The following DIP2C variants were observed in gnomAD, a reference collection of about 807,000 sequenced individuals.
The protein encoded by DIP2C is disco-interacting protein 2 homolog C.
A neutral mutation model predicts 192.4 loss-of-function variants in DIP2C; 33 were observed. That is an observed-to-expected ratio of 0.17 (90% confidence interval 0.13 to 0.23). The LOEUF (loss-of-function observed/expected upper bound fraction) is 0.23, where lower values mean the gene tolerates loss of function less well. Ranked by LOEUF, DIP2C falls within the 10% of genes least tolerant of loss-of-function variation. DIP2C has a pLI of 1.00. For synonymous variants in DIP2C, 979 were observed against 864.1 expected (o/e 1.13, Z -2.33); for missense variants, 1,537 against 2,110.1 (o/e 0.73, Z 5.32).
At chr10:520,052 C>CA (rs1190889413) in intron 1 of DIP2C, among the ~76,000 whole-genome samples, 1 of 152,248 alleles carries the variant, frequency 6.6e-6, no homozygotes, top group Non-Finnish European at 1.5e-5. Context: ...ACCCTGCATT[C>CA]AGCAGTTTAC....
chr10:635,392 G>A lies in DIP2C; in HGVS notation c.85+54102C>T, dbSNP rs536716334. 3.2e-3 allele frequency among the ~76,000 whole-genome samples: 485 copies of A among 152,378 alleles called. 3 individuals are homozygous for A. In the Middle Eastern group the frequency reaches 0.034, roughly 11 times the overall value. On this transcript the variant is annotated intron_variant, in intron 1 of 36. Transcript: ENST00000280886. ...TGGCCTCATCTGGACAGGTTGTCAA[G>A]GATGGATGGATAGACGTCCTGGACA...
chr10:385,701 C>G (rs1382023566), intron 14 of DIP2C, among the ~76,000 whole-genome samples: 1 of 152,164 alleles, frequency 6.6e-6, no homozygotes, highest in Non-Finnish European at 1.5e-5. Context: ...GGGGCGGCAG[C>G]AACACACCTG....
At chr10:596,622 T>C (rs1366593967) in intron 1 of DIP2C, among the ~76,000 whole-genome samples, 2 of 147,824 alleles carry the variant, frequency 1.4e-5, no homozygotes, top group Non-Finnish European at 3.0e-5. Flanking sequence ...GAGACGTAGG[T>C]GAATAGGACA....
chr10:311,702 G>C (rs1956574605), intron 31 of DIP2C: 1 of 637,904 alleles, frequency 1.6e-6, no homozygotes, highest in Non-Finnish European at 2.2e-6. Context: ...GTGGGGAGGA[G>C]AATGCGAAAA....
chr10:315,015 C>T (rs1226656386), intron 31 of DIP2C, among the ~76,000 whole-genome samples: 1 of 152,196 alleles, frequency 6.6e-6, no homozygotes, highest in Non-Finnish European at 1.5e-5. Flanking sequence ...TTCCTCCCTT[C>T]CTGCCTCCTT....
intron 1 of DIP2C, among the ~76,000 whole-genome samples, chr10:626,040 A>G (rs971198337): frequency 7.2e-5 from 11 of 152,222 alleles, no homozygotes; most frequent in African/African-American, 2.7e-4. Context: ...AGCTATTTAC[A>G]AAGTGTTCCC....
intron 1 of DIP2C, among the ~76,000 whole-genome samples, chr10:589,469 A>G (rs1332640490): frequency 6.6e-6 from 1 of 152,136 alleles, no homozygotes; most frequent in Non-Finnish European, 1.5e-5. Context: ...GGCATTTTAC[A>G]TTCAGGGTTA....
intron 2 of DIP2C, among the ~76,000 whole-genome samples, chr10:484,049 A>G (rs1843818648): frequency 6.6e-6 from 1 of 152,000 alleles, no homozygotes; most frequent in African/African-American, 2.4e-5. Context: ...GACCTAAGCA[A>G]TCCCCTTCCT....
intron 1 of DIP2C, among the ~76,000 whole-genome samples, chr10:608,904 T>C (rs1228956099): frequency 6.6e-6 from 1 of 151,400 alleles, no homozygotes; most frequent in Non-Finnish European, 1.5e-5. Context: ...CAAGTGGTTC[T>C]CATTACAGTG....
chr10:591,793 T>TC (rs370043229), intron 1 of DIP2C, among the ~76,000 whole-genome samples: 10 of 151,884 alleles, frequency 6.6e-5, no homozygotes, highest in African/African-American at 1.9e-4. Flanking sequence ...CACCCTCCTC[T>TC]CCTTCCTTTT....
chr10:437,572 G>A (rs1016089494), intron 4 of DIP2C: 4 of 152,268 alleles, frequency 2.6e-5, no homozygotes, highest in African/African-American at 7.2e-5. Flanking sequence ...TCAAGTTCTG[G>A]CTGGCACAGC....
At chr10:457,893 C>T (rs1205453713) in intron 3 of DIP2C, among the ~76,000 whole-genome samples, 1 of 152,196 alleles carries the variant, frequency 6.6e-6, no homozygotes, top group East Asian at 1.9e-4. Context: ...CTTTATGCTG[C>T]GTCCTCAGCT....
chr10:618,620 T>C (rs1853629884), intron 1 of DIP2C, among the ~76,000 whole-genome samples: 1 of 152,198 alleles, frequency 6.6e-6, no homozygotes, highest in Non-Finnish European at 1.5e-5. Context: ...ATTTTTAGAC[T>C]CTCATGACAG....
chr10:549,308 C>T (rs1308707909), intron 1 of DIP2C, among the ~76,000 whole-genome samples: 4 of 152,144 alleles, frequency 2.6e-5, no homozygotes, highest in African/African-American at 9.7e-5. Context: ...AGCTATGTCT[C>T]AATTAACACA....
At position 600,847 on chromosome 10, in the gene DIP2C, C is replaced by A. The variant is rs368254616; in HGVS notation, c.85+88647G>T. Reference sequence around the variant, plus strand: ...CGTCTCAACCATAAGAGAATCAGGTCTTTGGCCATCTGGTCAAAGCTTTTT... The same window carrying A: ...CGTCTCAACCATAAGAGAATCAGGTATTTGGCCATCTGGTCAAAGCTTTTT... On this transcript the variant is annotated intron_variant, in intron 1 of 36. Transcript: ENST00000280886. Among the ~76,000 whole-genome samples the A allele has an allele frequency of 1.2e-3, 188 of 152,360 alleles. 7 individuals carry two copies. In the South Asian group the frequency reaches 0.037, roughly 30 times the overall value.
chr10:456,750 C>A (rs1044462089), intron 3 of DIP2C, among the ~76,000 whole-genome samples: 1 of 152,204 alleles, frequency 6.6e-6, no homozygotes, highest in Admixed American at 6.5e-5. Context: ...TACATAGGGC[C>A]ATCTGTGTTC....
intron 10 of DIP2C, among the ~76,000 whole-genome samples, chr10:391,108 G>A (rs1233226903): frequency 6.6e-6 from 1 of 152,242 alleles, no homozygotes; most frequent in Non-Finnish European, 1.5e-5. Context: ...TAAATTAGAA[G>A]AGGGTGTGGA....
chr10:656,435 G>C (rs1334018691), intron 1 of DIP2C, among the ~76,000 whole-genome samples: 4 of 152,164 alleles, frequency 2.6e-5, no homozygotes, highest in Admixed American at 2.6e-4. Flanking sequence ...CACTACATAA[G>C]AGCAGAGCCA....
At chr10:522,528 G>A (rs1314910710) in intron 1 of DIP2C, among the ~76,000 whole-genome samples, 1 of 152,228 alleles carries the variant, frequency 6.6e-6, no homozygotes, top group Non-Finnish European at 1.5e-5. Context: ...CACAAGTGAG[G>A]GTCCTGATGC....
Sources: allele counts gnomAD v4.1 joint callset (sites outside exome capture counted in the v4.1 genomes callset), GRCh38; gene constraint gnomAD v4.1.1; transcripts MANE v1.5; gene names NCBI Gene and HGNC (gene_info 2026-07-23, HGNC 2026-07-21).